PODXL: variants seen among roughly 807,000 people sequenced by gnomAD.
PODXL encodes podocalyxin.
Under a neutral mutation model 48.9 loss-of-function variants are expected in PODXL, and 20 were observed. That is an observed-to-expected ratio of 0.41 (90% CI 0.29 to 0.59). PODXL has a LOEUF of 0.59. Ranked by LOEUF, PODXL falls within the 20% of genes least tolerant of loss-of-function variation. PODXL has a pLI of 0.31. For missense variants in PODXL, 606 were observed against 675.1 expected, an observed-to-expected ratio of 0.90 and a Z score of 1.13; for synonymous variants, 295 against 287.4, an observed-to-expected ratio of 1.03 and a Z score of -0.27.
intron 1 of PODXL, among the ~76,000 whole-genome samples, chr7:131,544,657 ACG>A (rs1798541706): frequency 7.6e-5 from 1 of 13,136 alleles, no homozygotes; most frequent in Non-Finnish European, 6.6e-4. Context: ...GCCCTGTACT[ACG>A]CACGCACGCC....
At chr7:131,537,613 A>T (rs1320061887) in intron 1 of PODXL, among the ~76,000 whole-genome samples, 2 of 110,002 alleles carry the variant, frequency 1.8e-5, no homozygotes, top group Admixed American at 1.1e-4. Flanking sequence ...ACCCCCCCAA[A>T]AAGGTGCATA....
At chr7:131,505,738 G>T in intron 8 of PODXL, 130 bp downstream of exon 8, 1 of 809,018 alleles carries the variant, frequency 1.2e-6, no homozygotes, top group Non-Finnish European at 1.9e-6. Context: ...CCTATCAGGG[G>T]TGGCCTCTGC....
intron 1 of PODXL, among the ~76,000 whole-genome samples, chr7:131,526,730 T>C (rs1303448407): frequency 1.7e-5 from 2 of 117,786 alleles, no homozygotes; most frequent in East Asian, 5.8e-4. Flanking sequence ...AATCCACAAC[T>C]TCCTTACTCT....
At chr7:131,505,187 G>C (rs942855242) in intron 8 of PODXL, among the ~76,000 whole-genome samples, 8 of 152,158 alleles carry the variant, frequency 5.3e-5, no homozygotes, top group Non-Finnish European at 1.0e-4. Flanking sequence ...TAGTAAGGTA[G>C]GCAGAAGAAT....
intron 1 of PODXL, among the ~76,000 whole-genome samples, chr7:131,518,671 A>G (rs1230858705): frequency 6.6e-6 from 1 of 152,224 alleles, no homozygotes; most frequent in Admixed American, 6.5e-5. Context: ...TTATCCTGCC[A>G]TAGAGTGAGC....
chr7:131,531,913 C>A (rs1315315549), intron 1 of PODXL, among the ~76,000 whole-genome samples: 1 of 150,824 alleles, frequency 6.6e-6, no homozygotes, highest in African/African-American at 2.4e-5. Flanking sequence ...GAGTTTGAGA[C>A]CACCCTGACC....
chr7:131,518,177 GAGAT>G (rs1239105455), intron 1 of PODXL, among the ~76,000 whole-genome samples: 1 of 152,192 alleles, frequency 6.6e-6, no homozygotes, highest in Non-Finnish European at 1.5e-5. Flanking sequence ...CCAGGTACCA[GAGAT>G]TAGGACCTGA....
At chr7:131,546,559 C>G (rs1798578510) in intron 1 of PODXL, among the ~76,000 whole-genome samples, 1 of 151,128 alleles carries the variant, frequency 6.6e-6, no homozygotes, top group Non-Finnish European at 1.5e-5. Context: ...AACCCCATCT[C>G]TACTAAAAAT....
chr7:131,515,085 C>T (rs1480636805), intron 1 of PODXL, among the ~76,000 whole-genome samples: 3 of 152,170 alleles, frequency 2.0e-5, no homozygotes, highest in Admixed American at 6.5e-5. Flanking sequence ...TACACATGCA[C>T]GCCCCTTTCC....
At chr7:131,554,541 G>C (rs1247112038) in intron 1 of PODXL, among the ~76,000 whole-genome samples, 2 of 152,210 alleles carry the variant, frequency 1.3e-5, no homozygotes, top group African/African-American at 4.8e-5. Context: ...AAGAGACATG[G>C]TTTCTGGCAG....
chr7:131,509,275 G>C, intron 4 of PODXL, 90 bp downstream of exon 4: 1 of 1,072,366 alleles, frequency 9.3e-7, no homozygotes, highest in Middle Eastern at 2.1e-4. Flanking sequence ...CAGGGGCCCT[G>C]CGTTGGAGGA....
chr7:131,521,820 GA>G (rs1798096792), intron 1 of PODXL, among the ~76,000 whole-genome samples: 1 of 152,164 alleles, frequency 6.6e-6, no homozygotes, highest in Admixed American at 6.5e-5. Flanking sequence ...GCTGGGGAAA[GA>G]AAACAGCCGG....
intron 1 of PODXL, among the ~76,000 whole-genome samples, chr7:131,528,963 T>TA (rs1798230275): frequency 6.6e-6 from 1 of 151,894 alleles, no homozygotes; most frequent in Non-Finnish European, 1.5e-5. Context: ...CTTGAGCAGA[T>TA]AAGTTGGAAG....
At chr7:131,532,522 G>GGC (rs1554386952) in intron 1 of PODXL, among the ~76,000 whole-genome samples, 1 of 150,184 alleles carries the variant, frequency 6.7e-6, no homozygotes, top group Non-Finnish European at 1.5e-5. Context: ...TTTTTTGGAG[G>GGC]GGGGGTACAT....
intron 1 of PODXL, among the ~76,000 whole-genome samples, chr7:131,554,305 T>C (rs576407125): frequency 2.6e-4 from 39 of 152,260 alleles, no homozygotes; most frequent in Admixed American, 1.8e-3. Flanking sequence ...ATGCAAATCA[T>C]CATCACCATC....
chr7:131,543,296 T>C (rs1417149427), intron 1 of PODXL, among the ~76,000 whole-genome samples: 1 of 152,002 alleles, frequency 6.6e-6, no homozygotes, highest in Non-Finnish European at 1.5e-5. Flanking sequence ...TGACTAATTT[T>C]TAAACTGTAT....
chr7:131,508,124 C>A (rs950164726), intron 5 of PODXL, among the ~76,000 whole-genome samples: 1 of 152,198 alleles, frequency 6.6e-6, no homozygotes, highest in African/African-American at 2.4e-5. Context: ...CGCACACTCC[C>A]CAGACCAAAG....
chr7:131,506,717 C>T lies in PODXL; in HGVS notation c.1111G>A (p.Ala371Thr), dbSNP rs3212301. ...LTGNTLCAGG[A>T]SDEKLISLIC... Reference sequence around the variant, plus strand: ...AGTGAGATCAATTTCTCATCCGAAGCGCCCCCTGCCTATGGTGGGGAGAGC... The same window carrying T: ...AGTGAGATCAATTTCTCATCCGAAGTGCCCCCTGCCTATGGTGGGGAGAGC... Residue 371 changes from alanine (A) to threonine (T), a missense_variant, in exon 6 of 9, where the codon GCT (alanine) becomes ACT (threonine). Transcript: ENST00000378555. 5,328 of 1,614,102 alleles carry T rather than the reference C, an allele frequency of 3.3e-3. 104 individuals are homozygous for T. In the African/African-American group the frequency reaches 0.054, roughly 16 times the overall value.
At chr7:131,546,590 G>T (rs2116863147) in intron 1 of PODXL, among the ~76,000 whole-genome samples, 1 of 152,122 alleles carries the variant, frequency 6.6e-6, no homozygotes, top group East Asian at 1.9e-4. Context: ...GCTGGGCTTG[G>T]GGGCAGGTGC....
Sources: gnomAD v4.1 joint callset for allele counts (sites outside exome capture counted in the v4.1 genomes callset) on GRCh38, gnomAD v4.1.1 for gene constraint, MANE v1.5 for transcripts, NCBI Gene and HGNC (gene_info 2026-07-23, HGNC 2026-07-21) for gene names.